Variants in CFAP77 observed in about 807,000 individuals in gnomAD.
CFAP77 encodes the protein cilia- and flagella-associated protein 77.
In CFAP77, 25 loss-of-function variants were observed where a neutral mutation model predicts 31.1. The observed-to-expected ratio is 0.80, with a 90% CI of 0.59 to 1.12. The LOEUF is 1.12. Among genes scored for constraint, CFAP77 ranks in the 50% most tolerant of loss-of-function variants. The pLI, the probability that CFAP77 is intolerant of heterozygous loss-of-function variation, is 0.00. For synonymous variants in CFAP77, 151 were observed against 159.9 expected (o/e 0.94, Z 0.42); for missense variants, 377 against 397.3 (o/e 0.95, Z 0.44).
rs1218345822 is a variant in CFAP77, at chr9:132,490,159, A to G, written c.196-8536A>G. 3.9e-5 allele frequency among the ~76,000 whole-genome samples: 6 copies of G among 152,112 alleles called. No homozygotes were observed. Among genetic ancestry groups the G allele is most frequent in the African/African-American group, 1.4e-4 (6 of 41,412 alleles). ...GGGATAAAAAGGGCGAACTCCCTCC[A>G]TCAAGGCCTTTTATAAGGGCACCTA... On this transcript the variant is annotated intron_variant, in intron 1 of 5. Coordinates refer to ENST00000393216, the MANE Select transcript of CFAP77 (RefSeq NM_001282957.2). This position sits in a 1 kb window ranked among gnomAD's most constrained non-coding sequence, Gnocchi z 4.6.
At chr9:132,458,225 T>C (rs1218148600) in intron 1 of CFAP77, among the ~76,000 whole-genome samples, 2 of 152,170 alleles carry the variant, frequency 1.3e-5, no homozygotes, top group East Asian at 3.9e-4. Context: ...CAGGGGCGCT[T>C]GCACAGATCC....
rs200963844 is a variant in CFAP77 at position 132,410,404 on chromosome 9, A to C, written c.133A>C (p.Met45Leu). ...GACCGTGGCGGACATCCGTTCCGGC[A>C]TGGAGAACGAGCGGCTGGGGGTCGT... is the stretch of plus-strand genomic sequence containing the variant. ...PLTVADIRSGMENERLGVVRD... is the reference protein window; with the variant it reads ...PLTVADIRSGLENERLGVVRD... Residue 45 changes from methionine (M) to leucine (L), a missense_variant, in exon 1 of 6, where the codon ATG (methionine) becomes CTG (leucine). Physicochemically the swap from Met to Leu is conservative, Grantham distance 15. Coordinates refer to ENST00000393216, the MANE Select transcript of CFAP77 (RefSeq NM_001282957.2). 24 of 1,602,094 alleles carry C rather than the reference A, an allele frequency of 1.5e-5. No individual in the cohort carries two copies. The highest frequency in any genetic ancestry group is 2.0e-5 in the Non-Finnish European group (24 of 1,175,650).
chr9:132,528,394 A>G (rs1461155417), intron 3 of CFAP77, among the ~76,000 whole-genome samples: 1 of 144,548 alleles, frequency 6.9e-6, no homozygotes, highest in Non-Finnish European at 1.5e-5. Context: ...ACCTAAAACC[A>G]TAAAAACCCT....
chr9:132,421,106 C>G (rs1850209259), intron 1 of CFAP77, among the ~76,000 whole-genome samples: 1 of 146,056 alleles, frequency 6.8e-6, no homozygotes, highest in African/African-American at 2.5e-5. Flanking sequence ...CTCCTGGGTT[C>G]AAGTGAATCT....
intron 1 of CFAP77, chr9:132,482,180 T>G: frequency 3.2e-6 from 2 of 617,568 alleles, no homozygotes; most frequent in East Asian, 2.8e-5. Context: ...TCTCTCTTTC[T>G]TTCTTTCTTT....
At chr9:132,530,136 C>CTTTTTTTTTTTTTTTTTTTTT (rs750962954) in intron 3 of CFAP77, among the ~76,000 whole-genome samples, 760 of 93,134 alleles carry the variant, frequency 8.2e-3, no homozygotes, top group Non-Finnish European at 0.01. Context: ...TCTTTCTTTT[C>CTTTTTTTTTTTTTTTTTTTTT]TTTTTTTTTT....
intron 1 of CFAP77, among the ~76,000 whole-genome samples, chr9:132,483,370 A>C (rs1734247330): frequency 6.6e-6 from 1 of 152,230 alleles, no homozygotes; most frequent in Admixed American, 6.5e-5. Context: ...AGCATATATT[A>C]GAGTGGCCAC....
intron 1 of CFAP77, chr9:132,482,521 G>C (rs913340534): frequency 1.3e-6 from 1 of 796,726 alleles, no homozygotes; most frequent in African/African-American, 1.7e-5. Context: ...CACCCGTGGC[G>C]CTTCACCTCC....
intron 1 of CFAP77, among the ~76,000 whole-genome samples, chr9:132,487,148 T>C (rs1427478658): frequency 6.6e-6 from 1 of 152,232 alleles, no homozygotes; most frequent in Non-Finnish European, 1.5e-5. Flanking sequence ...ATAGAAGCCA[T>C]CGGTTACTGA....
chr9:132,497,445 CGCCTGTG>C lies in CFAP77; in HGVS notation c.196-1227_196-1221del, dbSNP rs540192360. Among the ~76,000 whole-genome samples, 13 of 152,306 alleles carry C rather than the reference CGCCTGTG, an allele frequency of 8.5e-5. No homozygotes were observed. In the East Asian group the frequency reaches 1.9e-3, roughly 23 times the overall value. On this transcript the variant is annotated intron_variant, in intron 1 of 5. Transcript: ENST00000393216. This position sits in a 1 kb window ranked among gnomAD's most constrained non-coding sequence, Gnocchi z 4.9. The stretch of plus-strand genomic sequence containing the variant: ...TAACACCCTGTGACTTCGAAACCAC[CGCCTGTG>C]GCCTGTGGCCTGTGGCCTGTGGACA...
intron 1 of CFAP77, among the ~76,000 whole-genome samples, chr9:132,488,243 C>G (rs475445): frequency 0.2 from 30,728 of 152,012 alleles, 3,794 homozygotes; most frequent in African/African-American, 0.34. Flanking sequence ...TTTGGTGGGT[C>G]TGACACTCAG....
rs578832 is a variant in CFAP77, at chr9:132,509,163, A to C, written c.524+9563A>C. 1.5e-4 allele frequency among the ~76,000 whole-genome samples: 23 copies of C among 152,164 alleles called. No individual in the cohort carries two copies. In the East Asian group the frequency reaches 3.5e-3, roughly 23 times the overall value. On this transcript the variant is annotated intron_variant, in intron 3 of 5. Coordinates refer to ENST00000393216, the MANE Select transcript of CFAP77 (RefSeq NM_001282957.2). ...AATCCTCACTGCAGCCCTGTGCAGCAGACGCCCGTCACCTCTATTTATCCA... is the reference window on the plus strand; with the variant it reads ...AATCCTCACTGCAGCCCTGTGCAGCCGACGCCCGTCACCTCTATTTATCCA...
chr9:132,539,026 G>T lies in CFAP77; in HGVS notation c.630+1320G>T, dbSNP rs1194220312. ...TGCTTGGACCCAGGAGGTGGAGGTT[G>T]CAGTGAGCCAAGATCGTGCCACTGC... On this transcript the variant is annotated intron_variant, in intron 4 of 5. Coordinates refer to ENST00000393216, the MANE Select transcript of CFAP77 (RefSeq NM_001282957.2). This position sits in a 1 kb window ranked among gnomAD's most constrained non-coding sequence, Gnocchi z 4.3. Among the ~76,000 whole-genome samples the T allele has an allele frequency of 6.6e-6, 1 of 152,166 alleles. No individual in the cohort carries two copies. The highest frequency in any genetic ancestry group is 2.4e-5 in the African/African-American group (1 of 41,430).
chr9:132,520,015 C>T (rs1419800575), intron 3 of CFAP77, among the ~76,000 whole-genome samples: 1 of 151,918 alleles, frequency 6.6e-6, no homozygotes, highest in Non-Finnish European at 1.5e-5. Flanking sequence ...AGGTGCACTG[C>T]CCTTCTGCTG....
intron 4 of CFAP77, 122 bp from the exon 5 acceptor site, chr9:132,542,824 G>A (rs1238704927): frequency 3.1e-6 from 2 of 655,226 alleles, no homozygotes; most frequent in East Asian, 7.3e-5. Context: ...GGGGCCAGAA[G>A]GAAAGTGACC....
At chr9:132,411,976 C>T (rs1180329477) in intron 1 of CFAP77, among the ~76,000 whole-genome samples, 2 of 152,098 alleles carry the variant, frequency 1.3e-5, no homozygotes, top group Non-Finnish European at 2.9e-5. Flanking sequence ...GTATAATATA[C>T]ATGTACATAT....
At chr9:132,534,220 T>C (rs1256568877) in intron 3 of CFAP77, among the ~76,000 whole-genome samples, 1 of 152,204 alleles carries the variant, frequency 6.6e-6, no homozygotes, top group Non-Finnish European at 1.5e-5. Context: ...CACAGATGAA[T>C]GTTCCCTAGA....
At chr9:132,556,119 C>T (rs57629405) in intron 5 of CFAP77, among the ~76,000 whole-genome samples, 4 of 152,278 alleles carry the variant, frequency 2.6e-5, no homozygotes, top group South Asian at 2.1e-4. Context: ...AAGCAGGCAT[C>T]GTCAGCACCC....
rs1052605247 is a variant in CFAP77 at position 132,552,053 on chromosome 9, G to T, written c.732+9006G>T. 3.9e-5 allele frequency among the ~76,000 whole-genome samples: 6 copies of T among 152,238 alleles called. No individual in the cohort carries two copies. The highest frequency in any genetic ancestry group is 7.2e-5 in the African/African-American group (3 of 41,460). ...GCAGTTTGGCCCCAAGGCTAAAAAG[G>T]AAAGAGGCGGCTGATCCCGGATTCA... On this transcript the variant is annotated intron_variant, in intron 5 of 5. Coordinates refer to ENST00000393216, the MANE Select transcript of CFAP77 (RefSeq NM_001282957.2). The surrounding 1 kb of genome is among the most constrained non-coding windows in gnomAD (Gnocchi z 5.5).
Sources: allele counts gnomAD v4.1 joint callset (sites outside exome capture counted in the v4.1 genomes callset), GRCh38; gene constraint gnomAD v4.1.1; non-coding constraint Gnocchi (gnomAD v3.1); transcripts MANE v1.5; gene names NCBI Gene and HGNC (gene_info 2026-07-23, HGNC 2026-07-21).